Variants in TMX4 observed in about 807,000 individuals in gnomAD.
TMX4 encodes the protein thioredoxin-related transmembrane protein 4.
In TMX4, 23 loss-of-function variants were observed where a neutral mutation model predicts 33.3. That is an observed-to-expected ratio of 0.69 (90% CI 0.50 to 0.98). The LOEUF (loss-of-function observed/expected upper bound fraction) is 0.98, where lower values mean the gene tolerates loss of function less well. TMX4 is among the 50% of genes least tolerant of loss of function. The pLI, the probability that TMX4 is intolerant of heterozygous loss-of-function variation, is 0.00. For synonymous variants in TMX4, 164 were observed against 161.5 expected (o/e 1.02, Z -0.12); for missense variants, 399 against 448.9 (o/e 0.89, Z 1.01).
chr20:8,012,699 T>C (rs1232323237), intron 1 of TMX4, among the ~76,000 whole-genome samples: 1 of 141,688 alleles, frequency 7.1e-6, no homozygotes, highest in East Asian at 3.7e-4. Context: ...TAATTATGTT[T>C]CATAATTTAA....
Position 8,001,537 on chromosome 20 carries a change from C to T in TMX4, c.297G>A (p.Leu99=). The T allele has an allele frequency of 6.3e-7, 1 of 1,599,238 alleles. No homozygotes were observed. The highest frequency in any genetic ancestry group is 1.3e-5 in the African/African-American group (1 of 74,644). The change falls in exon 3 of 8, where the codon TTG becomes TTA. Residue 99 remains leucine (L), a synonymous_variant. Coordinates refer to ENST00000246024, the MANE Select transcript of TMX4 (RefSeq NM_021156.4). ...GAGTGGTGACAAAGAAGCGGCCACT[C>T]AAACCTACAAGAAGCATAAACAGAA... is the stretch of plus-strand genomic sequence containing the variant. ...GKVDVIQEPG[L]SGRFFVTTLP...
At chr20:7,985,093 A>G (rs1172693714) in intron 6 of TMX4, among the ~76,000 whole-genome samples, 2 of 152,114 alleles carry the variant, frequency 1.3e-5, no homozygotes, top group African/African-American at 4.8e-5. Flanking sequence ...ATAAGAATGC[A>G]GCTGTTTCAA....
intron 6 of TMX4, among the ~76,000 whole-genome samples, chr20:7,985,867 G>A (rs1600139940): frequency 6.6e-6 from 1 of 152,238 alleles, no homozygotes. Flanking sequence ...CTAAGGCATA[G>A]GCAGGCAGGC....
At chr20:8,013,495 C>T (rs901593806) in intron 1 of TMX4, among the ~76,000 whole-genome samples, 1 of 152,184 alleles carries the variant, frequency 6.6e-6, no homozygotes, top group African/African-American at 2.4e-5. Flanking sequence ...CACCAACTTA[C>T]ATGTCAGTGC....
Position 7,983,801 on chromosome 20 carries a change from C to T in TMX4, c.672G>A (p.Glu224=), listed in dbSNP as rs373803719. The T allele has an allele frequency of 1.2e-6, 2 of 1,613,078 alleles. No individual in the cohort carries two copies. The highest frequency in any genetic ancestry group is 1.3e-5 in the African/African-American group (1 of 74,774). Residue 224 remains glutamate (E), a synonymous_variant, in exon 7 of 8, where the codon GAG becomes GAA. Transcript: ENST00000246024. ...FYVPLPRHLS[E]RSEQNRRSEE... ...GGAGCTTATCGTACTTACCAGAACG[C>T]TCAGATAAATGCCTTGGAAGTGGCA...
rs1180695925 is a variant in TMX4 at position 7,980,047 on chromosome 20, T to C, written c.*2204A>G. The C allele has an allele frequency of 6.6e-6, 1 of 152,168 alleles. No individual in the cohort carries two copies. The highest frequency in any genetic ancestry group is 1.9e-4 in the East Asian group (1 of 5,182). 9.4% of individuals were successfully genotyped at this position (152,168 alleles called of 1,614,324 possible). ...TGTCAAATGAGGTCAGGTGTAAAAT[T>C]TTCCACTTCTGACGGAATGCTGGAA... is the stretch of plus-strand genomic sequence containing the variant. On this transcript the variant is annotated 3_prime_UTR_variant, in exon 8 of 8. Coordinates refer to ENST00000246024, the MANE Select transcript of TMX4 (RefSeq NM_021156.4).
chr20:8,014,919 A>G (rs1478891513), intron 1 of TMX4, among the ~76,000 whole-genome samples: 1 of 152,112 alleles, frequency 6.6e-6, no homozygotes, highest in African/African-American at 2.4e-5. Context: ...GGAACTGCAG[A>G]TCAGAAACTG....
At chr20:8,018,587 T>C (rs2050794294) in intron 1 of TMX4, among the ~76,000 whole-genome samples, 1 of 145,480 alleles carries the variant, frequency 6.9e-6, no homozygotes, top group African/African-American at 2.5e-5. Flanking sequence ...CACCATCCAC[T>C]GCAAGCCTCT....
chr20:8,007,119 C>T (rs1203553176), intron 2 of TMX4, among the ~76,000 whole-genome samples: 2 of 152,158 alleles, frequency 1.3e-5, no homozygotes, highest in African/African-American at 2.4e-5. Flanking sequence ...GACTCTGGCA[C>T]ATACAGATCA....
intron 1 of TMX4, among the ~76,000 whole-genome samples, chr20:8,012,236 C>G (rs563957371): frequency 9.1e-4 from 138 of 152,242 alleles, no homozygotes; most frequent in Middle Eastern, 3.4e-3. Context: ...TTAATAATCT[C>G]TCCATGCCTC....
chr20:8,002,532 C>T (rs2050712023), intron 2 of TMX4, among the ~76,000 whole-genome samples: 1 of 151,984 alleles, frequency 6.6e-6, no homozygotes, highest in African/African-American at 2.4e-5. Context: ...AGAATGAAAG[C>T]TTAAGGATCC....
Position 7,979,293 on chromosome 20 carries a change from T to G in TMX4, c.*2958A>C, listed in dbSNP as rs1263623893. 6.6e-6 allele frequency: 1 copy of G among 152,156 alleles called. No homozygotes were observed. Among genetic ancestry groups the G allele is most frequent in the Admixed American group, 6.5e-5 (1 of 15,276 alleles). 9.4% of individuals were successfully genotyped at this position (152,156 alleles called of 1,614,324 possible). A position where few individuals can be genotyped will look rare whatever the true frequency, so the allele number is the denominator to read the frequency against. On this transcript the variant is annotated 3_prime_UTR_variant, in exon 8 of 8. Transcript: ENST00000246024. ...AGTGGAAAGATATTAAATTAAATTTTGTTGGAAAAAAACCCATCTTTGCCA... is the reference window on the plus strand; with the variant it reads ...AGTGGAAAGATATTAAATTAAATTTGGTTGGAAAAAAACCCATCTTTGCCA...
intron 4 of TMX4, among the ~76,000 whole-genome samples, chr20:7,999,182 C>T (rs1173354698): frequency 1.3e-5 from 2 of 152,130 alleles, no homozygotes; most frequent in Non-Finnish European, 2.9e-5. Flanking sequence ...ATATGACAAT[C>T]CATTCAAAAC....
At chr20:8,010,499 A>C (rs558598518) in intron 1 of TMX4, among the ~76,000 whole-genome samples, 184 bp from the exon 2 acceptor site, 1 of 152,280 alleles carries the variant, frequency 6.6e-6, no homozygotes, top group South Asian at 2.1e-4. Context: ...TTAATGTATG[A>C]ATGTCAATTC....
In TMX4 at chr20:7,989,722, G is replaced by C. The variant is rs117867793; in HGVS notation, c.514-2333C>G. 2.6e-5 allele frequency among the ~76,000 whole-genome samples: 4 copies of C among 152,280 alleles called. No individual in the cohort carries two copies. In the East Asian group the frequency reaches 7.7e-4, roughly 29 times the overall value. On this transcript the variant is annotated intron_variant, in intron 5 of 7. Transcript: ENST00000246024. ...ACAACAGCTTTAAAGCCCCTTATGAGTGTTAGGATTAGTGGTACCATGTCC... is the reference window on the plus strand; with the variant it reads ...ACAACAGCTTTAAAGCCCCTTATGACTGTTAGGATTAGTGGTACCATGTCC...
rs960991321 is a variant in TMX4 at position 8,018,525 on chromosome 20, A to C, written c.176+913T>G. Among the ~76,000 whole-genome samples the C allele has an allele frequency of 5.2e-5, 2 of 38,206 alleles. 1 individual carries two copies. The highest frequency in any genetic ancestry group is 5.7e-4 in the Admixed American group (2 of 3,518). The allele number at this position is 38,206 out of a possible 152,430, so 25.1% of individuals were successfully genotyped here. A position where few individuals can be genotyped will look rare whatever the true frequency, so the allele number is the denominator to read the frequency against. On this transcript the variant is annotated intron_variant, in intron 1 of 7. Coordinates refer to ENST00000246024, the MANE Select transcript of TMX4 (RefSeq NM_021156.4). ...GAGAGAGAGAGAGAGAGAGAGAGAG[A>C]GAGTCTGCAAGCCCACCATGATGGT...
intron 5 of TMX4, among the ~76,000 whole-genome samples, chr20:7,988,533 C>T (rs890678313): frequency 3.9e-5 from 6 of 152,142 alleles, no homozygotes; most frequent in African/African-American, 1.2e-4. Context: ...GAGCTAAAGA[C>T]GCAGCAAGTA....
At chr20:7,991,875 T>A (rs910872225) in intron 5 of TMX4, among the ~76,000 whole-genome samples, 2 of 150,516 alleles carry the variant, frequency 1.3e-5, no homozygotes, top group Non-Finnish European at 2.9e-5. Flanking sequence ...ACATAAGGTG[T>A]GAAACAATGA....
chr20:8,002,729 T>G (rs969829169), intron 2 of TMX4, among the ~76,000 whole-genome samples: 2 of 152,172 alleles, frequency 1.3e-5, no homozygotes, highest in African/African-American at 4.8e-5. Flanking sequence ...CATGGAAAAT[T>G]TACTTTCACC....
Sources: gnomAD v4.1 joint callset for allele counts (sites outside exome capture counted in the v4.1 genomes callset) on GRCh38, gnomAD v4.1.1 for gene constraint, MANE v1.5 for transcripts, NCBI Gene and HGNC (gene_info 2026-07-23, HGNC 2026-07-21) for gene names.